RAD54L2: variants seen among roughly 807,000 people sequenced by gnomAD.
RAD54L2 encodes helicase ARIP4.
RAD54L2 carries 27 observed loss-of-function variants against 138.4 expected under a neutral mutation model. That is an observed-to-expected ratio of 0.20 (90% confidence interval 0.14 to 0.27). The LOEUF is 0.27. Among genes scored for constraint, RAD54L2 ranks in the 10% least tolerant of loss-of-function variants. RAD54L2 has a pLI of 1.00. For synonymous variants in RAD54L2, 644 were observed against 723.2 expected (o/e 0.89, Z 1.76); for missense variants, 1,396 against 1,890.2 (o/e 0.74, Z 4.85).
rs1475474884 is a variant in RAD54L2, at chr3:51,662,984, C to A, written c.3968C>A (p.Thr1323Asn). The A allele has an allele frequency of 6.2e-7, 1 of 1,613,952 alleles. No homozygotes were observed. Residue 1323 changes from threonine to asparagine, a missense_variant, in exon 23 of 23, where the codon ACC becomes AAC. Coordinates refer to ENST00000684192, the MANE Select transcript of RAD54L2 (RefSeq NM_015106.4). The surrounding 1 kb of genome is among the most constrained non-coding windows in gnomAD (Gnocchi z 4.6). Reference protein sequence around the residue: ...AGENSLFMGSTPSYYQLSNLL... With the variant: ...AGENSLFMGSNPSYYQLSNLL... ...GAGAACTCCCTGTTTATGGGCAGTA[C>A]CCCCTCCTACTACCAGCTGTCCAAT... is the stretch of plus-strand genomic sequence containing the variant.
chr3:51,649,471 G>T (rs146058498), intron 19 of RAD54L2, among the ~76,000 whole-genome samples: 3,694 of 152,216 alleles, frequency 0.024, 73 homozygotes, highest in Non-Finnish European at 0.032. Flanking sequence ...TCTTCGAGAA[G>T]AGCAACCCCA....
rs779168740 is a variant in RAD54L2, at chr3:51,635,761, G to A, written c.1311G>A (p.Glu437=). The A allele has an allele frequency of 3.7e-6, 6 of 1,612,240 alleles. No homozygotes were observed. The highest frequency in any genetic ancestry group is 5.1e-6 in the Non-Finnish European group (6 of 1,179,374). ...ACCCAGTCATCATTGATCTAGATGA[G>A]GAAGATCGGCAGCAGGAGTTTCGGA... The part of the protein sequence containing the change: ...RSHPVIIDLD[E]EDRQQEFRRE... Residue 437 remains glutamate (E), a synonymous_variant, in exon 10 of 23, where the codon GAG becomes GAA. Transcript: ENST00000684192.
intron 3 of RAD54L2, among the ~76,000 whole-genome samples, chr3:51,606,585 G>A (rs1700184913): frequency 6.6e-6 from 1 of 152,054 alleles, no homozygotes; most frequent in Admixed American, 6.6e-5. Context: ...CACCCATCAG[G>A]AAGCACCATT....
At chr3:51,647,514 C>T (rs936988962) in intron 19 of RAD54L2, among the ~76,000 whole-genome samples, 3 of 152,048 alleles carry the variant, frequency 2.0e-5, no homozygotes, top group Non-Finnish European at 2.9e-5. Flanking sequence ...ACTAAAAATA[C>T]AAAAATTAGC....
At chr3:51,644,069 A>G (rs1217698037) in intron 16 of RAD54L2, 95 bp downstream of exon 16, 1 of 960,378 alleles carries the variant, frequency 1.0e-6, no homozygotes, top group Non-Finnish European at 1.6e-6. Flanking sequence ...CTCAGAAGAG[A>G]TCAGCTCAGG....
intron 19 of RAD54L2, among the ~76,000 whole-genome samples, chr3:51,648,560 A>C (rs1701346270): frequency 6.6e-6 from 1 of 152,150 alleles, no homozygotes; most frequent in Non-Finnish European, 1.5e-5. Context: ...GCCGACTGAC[A>C]CCTCATACAG....
At chr3:51,589,685 C>T (rs370892015) in intron 2 of RAD54L2, among the ~76,000 whole-genome samples, 1,364 of 113,520 alleles carry the variant, frequency 0.012, 9 homozygotes, top group South Asian at 0.018. Flanking sequence ...TATATATATA[C>T]ACACACACAC....
At chr3:51,582,955 C>T (rs1699640523) in intron 2 of RAD54L2, among the ~76,000 whole-genome samples, 2 of 152,018 alleles carry the variant, frequency 1.3e-5, no homozygotes, top group Admixed American at 6.6e-5. Context: ...TTAGTAGAGA[C>T]GGGGTTTCAC....
intron 2 of RAD54L2, among the ~76,000 whole-genome samples, chr3:51,571,800 A>T (rs939190574): frequency 6.6e-6 from 1 of 151,368 alleles, no homozygotes; most frequent in Admixed American, 6.6e-5. Flanking sequence ...AACATCTATT[A>T]TTTTCCACTT....
intron 19 of RAD54L2, among the ~76,000 whole-genome samples, chr3:51,648,866 A>C (rs951356428): frequency 4.6e-5 from 7 of 152,214 alleles, no homozygotes; most frequent in Non-Finnish European, 1.0e-4. Context: ...AGAAAAGCTG[A>C]AAATTCTAAA....
At chr3:51,621,708 C>T (rs978978811) in intron 3 of RAD54L2, among the ~76,000 whole-genome samples, 1 of 152,132 alleles carries the variant, frequency 6.6e-6, no homozygotes, top group African/African-American at 2.4e-5. Flanking sequence ...AGTGATTGCT[C>T]AATAAATTTG....
At chr3:51,653,476 G>T (rs1399467185) in intron 19 of RAD54L2, among the ~76,000 whole-genome samples, 1 of 152,174 alleles carries the variant, frequency 6.6e-6, no homozygotes. Context: ...AAAGACACAT[G>T]CACATGTATG....
In RAD54L2 at chr3:51,639,681, C is replaced by A. The variant is rs752618132; in HGVS notation, c.2112+11C>A. 6 of 1,612,484 alleles carry A rather than the reference C, an allele frequency of 3.7e-6. No homozygotes were observed. ...GTCACATATGAATGGGTGAGTCAAG[C>A]AGATCCTTCAGGAACCATAAACTAT... On this transcript the variant is annotated intron_variant, in intron 13 of 22. Transcript: ENST00000684192.
At chr3:51,591,464 C>T (rs1699838547) in intron 3 of RAD54L2, among the ~76,000 whole-genome samples, 1 of 152,138 alleles carries the variant, frequency 6.6e-6, no homozygotes, top group Non-Finnish European at 1.5e-5. Flanking sequence ...AGGATGAGCA[C>T]TGATCCTCTG....
intron 3 of RAD54L2, among the ~76,000 whole-genome samples, chr3:51,597,772 G>A (rs959912383): frequency 1.3e-5 from 2 of 152,042 alleles, no homozygotes; most frequent in Admixed American, 1.3e-4. Flanking sequence ...TGGTTGCAGC[G>A]AGCCGAGATC....
chr3:51,658,729 T>C (rs533369572), intron 21 of RAD54L2, among the ~76,000 whole-genome samples: 1 of 152,292 alleles, frequency 6.6e-6, no homozygotes, highest in South Asian at 2.1e-4. Context: ...CCCAGACTCA[T>C]AGAAAACACC....
rs1443006118 is a variant in RAD54L2, at chr3:51,660,125, T to C, written c.3409+7T>C. 8 of 1,588,466 alleles carry C rather than the reference T, an allele frequency of 5.0e-6. No homozygotes were observed. Among genetic ancestry groups the C allele is most frequent in the South Asian group, 1.1e-5 (1 of 89,466 alleles). ...GGTCGGATGGCTGCCTCAGGTGTGATGGCTTTTACTTTCCATTTTACTTTT... is the reference window on the plus strand; with the variant it reads ...GGTCGGATGGCTGCCTCAGGTGTGACGGCTTTTACTTTCCATTTTACTTTT... On this transcript the variant is annotated splice_region_variant and intron_variant, in intron 22 of 22. Transcript: ENST00000684192.
Position 51,638,524 on chromosome 3 carries a change from A to G in RAD54L2, c.1860+203A>G, listed in dbSNP as rs1049870639. The G allele has an allele frequency of 6.7e-6, 4 of 593,170 alleles. No individual in the cohort carries two copies. The highest frequency in any genetic ancestry group is 1.2e-5 in the Non-Finnish European group (4 of 340,714). The allele number at this position is 593,170 out of a possible 1,614,324, so 36.7% of individuals were successfully genotyped here. A position where few individuals can be genotyped will look rare whatever the true frequency, so the allele number is the denominator to read the frequency against. Reference sequence around the variant, plus strand: ...TAACTCCTGGGGGTGCCATTCACACAGTGTAATATAACTGATGCCCCCTGC... The same window carrying G: ...TAACTCCTGGGGGTGCCATTCACACGGTGTAATATAACTGATGCCCCCTGC... On this transcript the variant is annotated intron_variant, in intron 12 of 22. Transcript: ENST00000684192. The surrounding 1 kb of genome is among the most constrained non-coding windows in gnomAD (Gnocchi z 4.3).
rs377214840 is a variant in RAD54L2 at position 51,646,416 on chromosome 3, T to C, written c.2961T>C (p.Tyr987=). 2.5e-6 allele frequency: 4 copies of C among 1,613,878 alleles called. No homozygotes were observed. The highest frequency in any genetic ancestry group is 1.1e-5 in the South Asian group (1 of 91,046). The change falls in exon 19 of 23, where the codon TAT becomes TAC. Residue 987 remains tyrosine, a synonymous_variant. Coordinates refer to ENST00000684192, the MANE Select transcript of RAD54L2 (RefSeq NM_015106.4). ...CAGTCCCCTATACCCGCCCATCGTA[T>C]GCGCAGTATTACCCTGCCAGCGATC... ...RTSVPYTRPS[Y]AQYYPASDQS...
Sources: allele counts gnomAD v4.1 joint callset (sites outside exome capture counted in the v4.1 genomes callset), GRCh38; gene constraint gnomAD v4.1.1; non-coding constraint Gnocchi (gnomAD v3.1); transcripts MANE v1.5; gene names NCBI Gene and HGNC (gene_info 2026-07-23, HGNC 2026-07-21).